NAV2: variants seen among roughly 807,000 people sequenced by gnomAD.
The protein encoded by NAV2 is neuron navigator 2, also known as helicase, APC down-regulated 1.
In NAV2, 54 loss-of-function variants were observed where a neutral mutation model predicts 223.2. The observed-to-expected ratio is 0.24, with a 90% CI of 0.19 to 0.30. The LOEUF (loss-of-function observed/expected upper bound fraction) is 0.30. NAV2 is among the 10% of genes least tolerant of loss of function. The pLI is 1.00. For synonymous variants in NAV2, 1,279 were observed against 1,239.3 expected, an observed-to-expected ratio of 1.03 and a Z score of -0.67; for missense variants, 2,806 against 3,147.5, an observed-to-expected ratio of 0.89 and a Z score of 2.60.
chr11:19,893,522 G>A (rs1323815214), intron 6 of NAV2, among the ~76,000 whole-genome samples: 1 of 152,180 alleles, frequency 6.6e-6, no homozygotes, highest in Non-Finnish European at 1.5e-5. Context: ...CCCTCCTACT[G>A]TGAATGAGCT....
intron 3 of NAV2, among the ~76,000 whole-genome samples, chr11:19,862,340 C>T (rs935868422): frequency 5.3e-5 from 8 of 152,230 alleles, no homozygotes; most frequent in Non-Finnish European, 1.2e-4. Context: ...GAGAAGCAGT[C>T]TGGCATAGGG....
intron 1 of NAV2, among the ~76,000 whole-genome samples, chr11:19,395,077 A>C (rs1682476489): frequency 1.3e-5 from 2 of 152,208 alleles, no homozygotes; most frequent in Non-Finnish European, 2.9e-5. Context: ...GGGTTCACAC[A>C]GTATCTTGAA....
chr11:19,756,990 G>A (rs2054283810), intron 1 of NAV2, among the ~76,000 whole-genome samples: 1 of 143,546 alleles, frequency 7.0e-6, no homozygotes, highest in Non-Finnish European at 1.5e-5. Flanking sequence ...AAAACAGGAG[G>A]GGCTGCTGGG....
intron 6 of NAV2, among the ~76,000 whole-genome samples, chr11:19,912,434 A>G (rs545781781): frequency 6.6e-6 from 1 of 152,362 alleles, no homozygotes; most frequent in South Asian, 2.1e-4. Context: ...AATGAAACAG[A>G]AAATAAAATT....
intron 11 of NAV2, among the ~76,000 whole-genome samples, chr11:20,021,160 T>C (rs1357498909): frequency 6.6e-6 from 1 of 152,234 alleles, no homozygotes; most frequent in African/African-American, 2.4e-5. Context: ...TTATTGCTAA[T>C]GTACTGTAAA....
intron 3 of NAV2, among the ~76,000 whole-genome samples, chr11:19,868,254 C>T (rs552036345): frequency 2.6e-5 from 4 of 152,178 alleles, no homozygotes; most frequent in Non-Finnish European, 5.9e-5. Flanking sequence ...ACAATTAGCC[C>T]TGACAACTGA....
Position 19,933,968 on chromosome 11 carries a change from A to G in NAV2, c.1724A>G (p.Lys575Arg). 6.3e-7 allele frequency: 1 copy of G among 1,597,412 alleles called. No homozygotes were observed. The highest frequency in any genetic ancestry group is 1.1e-5 in the South Asian group (1 of 88,388). The change falls in exon 7 of 38, where the codon AAA becomes AGA. Residue 575 changes from lysine to arginine, a missense_variant. By Grantham distance (26) the Lys-to-Arg change is conservative (BLOSUM62 2). Coordinates refer to ENST00000349880, the MANE Select transcript of NAV2 (RefSeq NM_145117.5). The surrounding 1 kb of genome is among the most constrained non-coding windows in gnomAD (Gnocchi z 4.3). ...CCAGGAATGAAAAGCATGCCCGGGA[A>G]ATCCCCAAGTGCCCCAGCGCCTTCC... Reference protein sequence around the residue: ...PKPGMKSMPGKSPSAPAPSKE... With the variant: ...PKPGMKSMPGRSPSAPAPSKE...
At chr11:19,422,643 T>A (rs1041183079) in intron 1 of NAV2, among the ~76,000 whole-genome samples, 10 of 152,186 alleles carry the variant, frequency 6.6e-5, no homozygotes, top group Non-Finnish European at 1.0e-4. Flanking sequence ...AACTGCTAGG[T>A]CTGGAGTCCA....
intron 1 of NAV2, among the ~76,000 whole-genome samples, chr11:19,444,153 G>A (rs1227280391): frequency 1.3e-5 from 2 of 152,192 alleles, no homozygotes; most frequent in Non-Finnish European, 2.9e-5. Flanking sequence ...ATCTTGGGCA[G>A]GATGGTCTCC....
chr11:20,081,998 T>G (rs1223179311), intron 25 of NAV2, among the ~76,000 whole-genome samples: 2 of 152,212 alleles, frequency 1.3e-5, no homozygotes, highest in East Asian at 3.9e-4. Flanking sequence ...TTCAGATCCA[T>G]CTCATGATTT....
chr11:19,850,217 C>T (rs1035392104), intron 3 of NAV2, among the ~76,000 whole-genome samples: 1 of 152,202 alleles, frequency 6.6e-6, no homozygotes, highest in African/African-American at 2.4e-5. Flanking sequence ...ATATTCAGGT[C>T]ACTTGTTTCC....
Position 20,054,324 on chromosome 11 carries a change from A to G in NAV2, c.4642+84A>G. 8.1e-6 allele frequency: 11 copies of G among 1,360,684 alleles called. No homozygotes were observed. The South Asian group carries it at 8.5e-5, about 10-fold the overall frequency. The allele number at this position is 1,360,684 out of a possible 1,614,324, so 84.3% of individuals were successfully genotyped here. A position where few individuals can be genotyped will look rare whatever the true frequency, so the allele number is the denominator to read the frequency against. ...ATATACATAACATATTTTTATTTCA[A>G]TAGTTTTTGGGGAGCAGGTGGTTTT... On this transcript the variant is annotated intron_variant, in intron 18 of 37. Transcript: ENST00000349880.
intron 1 of NAV2, among the ~76,000 whole-genome samples, chr11:19,454,180 A>T (rs572945414): frequency 6.6e-6 from 1 of 152,328 alleles, no homozygotes; most frequent in South Asian, 2.1e-4. Context: ...AAGTTGGAGC[A>T]CAGGGAAGCT....
intron 11 of NAV2, among the ~76,000 whole-genome samples, chr11:20,032,149 G>T (rs1268027612): frequency 6.6e-6 from 1 of 152,202 alleles, no homozygotes; most frequent in Non-Finnish European, 1.5e-5. Context: ...GGGCAGCTTT[G>T]GTTTCTGGCC....
chr11:19,465,290 AG>A (rs1393508092), intron 1 of NAV2, among the ~76,000 whole-genome samples: 1 of 152,202 alleles, frequency 6.6e-6, no homozygotes. Flanking sequence ...GCTAGAGGAG[AG>A]GACTACCCGG....
intron 1 of NAV2, among the ~76,000 whole-genome samples, chr11:19,382,522 A>G (rs1159122279): frequency 6.6e-6 from 1 of 152,210 alleles, no homozygotes; most frequent in Non-Finnish European, 1.5e-5. Flanking sequence ...TGCTTTCCAC[A>G]CATGACTTTG....
intron 1 of NAV2, among the ~76,000 whole-genome samples, chr11:19,747,494 T>G (rs2053472805): frequency 6.6e-6 from 1 of 152,160 alleles, no homozygotes; most frequent in African/African-American, 2.4e-5. Flanking sequence ...TTACACATTG[T>G]CAACACTGAC....
chr11:19,394,020 G>A (rs1849352154), intron 1 of NAV2, among the ~76,000 whole-genome samples: 1 of 151,492 alleles, frequency 6.6e-6, no homozygotes, highest in African/African-American at 2.4e-5. Context: ...GTTTTCAGAG[G>A]CAGCAGTGTT....
chr11:19,779,607 G>A (rs2056581290), intron 1 of NAV2, among the ~76,000 whole-genome samples: 1 of 152,170 alleles, frequency 6.6e-6, no homozygotes, highest in South Asian at 2.1e-4. Flanking sequence ...CCCTGAATCA[G>A]TTTTCCTCTT....
Sources: allele counts gnomAD v4.1 joint callset (sites outside exome capture counted in the v4.1 genomes callset), GRCh38; gene constraint gnomAD v4.1.1; non-coding constraint Gnocchi (gnomAD v3.1); transcripts MANE v1.5; gene names NCBI Gene and HGNC (gene_info 2026-07-23, HGNC 2026-07-21).